The following LUZP2 variants were observed in gnomAD, a reference collection of about 807,000 sequenced individuals.
LUZP2 encodes leucine zipper protein 2.
A neutral mutation model predicts 51.6 loss-of-function variants in LUZP2; 52 were observed. The observed-to-expected ratio is 1.01, with a 90% CI of 0.81 to 1.27. The LOEUF (loss-of-function observed/expected upper bound fraction) is 1.27. Ranked by LOEUF, LUZP2 falls within the 50% of genes most tolerant of loss-of-function variation. LUZP2 has a pLI of 0.00. For synonymous variants in LUZP2, 154 were observed against 137.3 expected, an observed-to-expected ratio of 1.12 and a Z score of -0.85; for missense variants, 436 against 395.4, an observed-to-expected ratio of 1.10 and a Z score of -0.87.
intron 9 of LUZP2, among the ~76,000 whole-genome samples, chr11:25,024,234 C>T (rs1200146705): frequency 6.6e-6 from 1 of 152,068 alleles, no homozygotes; most frequent in African/African-American, 2.4e-5. Context: ...TGAAAACTGG[C>T]ACAAGACAGG....
chr11:24,500,121 G>A (rs1370226277), intron 1 of LUZP2, among the ~76,000 whole-genome samples: 4 of 151,458 alleles, frequency 2.6e-5, no homozygotes. Context: ...TAATCACAGT[G>A]AACATCAATG....
Position 24,774,381 on chromosome 11 carries a change from T to TATATATAC in LUZP2, c.396+11074_396+11075insTATATACA, listed in dbSNP as rs1184772523. On this transcript the variant is annotated intron_variant, in intron 5 of 11. Coordinates refer to ENST00000336930, the MANE Select transcript of LUZP2 (RefSeq NM_001009909.4). The stretch of plus-strand genomic sequence containing the variant: ...CTCTCTCTATATATATATATATATA[T>TATATATAC]ACATACACACACACATATTTATAAA... Among the ~76,000 whole-genome samples the TATATATAC allele has an allele frequency of 1.6e-3, 155 of 93,960 alleles. 4 individuals are homozygous for TATATATAC. Among genetic ancestry groups the TATATATAC allele is most frequent in the African/African-American group, 6.4e-3 (139 of 21,830 alleles). The allele number at this position is 93,960 out of a possible 152,430, so 61.6% of individuals were successfully genotyped here.
intron 1 of LUZP2, among the ~76,000 whole-genome samples, chr11:24,590,070 C>A (rs772691561): frequency 1.3e-5 from 2 of 152,092 alleles, no homozygotes; most frequent in Non-Finnish European, 2.9e-5. Context: ...ATAAAAACTT[C>A]ACACTTCTGG....
Position 25,060,726 on chromosome 11 carries a change from TG to T in LUZP2, c.858+10597del, listed in dbSNP as rs1858812827. Among the ~76,000 whole-genome samples, 3 of 152,276 alleles carry T rather than the reference TG, an allele frequency of 2.0e-5. No homozygotes were observed. In the East Asian group the frequency reaches 5.8e-4, roughly 29 times the overall value. On this transcript the variant is annotated intron_variant, in intron 10 of 11. Coordinates refer to ENST00000336930, the MANE Select transcript of LUZP2 (RefSeq NM_001009909.4). The stretch of plus-strand genomic sequence containing the variant: ...TCAACAGTATAAATAAAAAGAAAAG[TG>T]ATATAGAATAAAAAGCCATATAACA...
chr11:24,543,775 T>G (rs567358890), intron 1 of LUZP2, among the ~76,000 whole-genome samples: 29 of 129,292 alleles, frequency 2.2e-4, no homozygotes, highest in African/African-American at 8.2e-4. Context: ...TGAGCTGAGA[T>G]TGCACCATTG....
chr11:24,713,467 A>G, intron 1 of LUZP2, among the ~76,000 whole-genome samples: 1 of 152,042 alleles, frequency 6.6e-6, no homozygotes, highest in Non-Finnish European at 1.5e-5. Flanking sequence ...TTGGATTGAA[A>G]ATGTGCTTAT....
At chr11:24,556,863 T>C (rs1851883580) in intron 1 of LUZP2, among the ~76,000 whole-genome samples, 1 of 152,098 alleles carries the variant, frequency 6.6e-6, no homozygotes, top group Non-Finnish European at 1.5e-5. Context: ...GACACACACA[T>C]AGGCTCTTTG....
intron 1 of LUZP2, among the ~76,000 whole-genome samples, chr11:24,621,961 T>TA (rs137885610): frequency 0.19 from 27,327 of 147,396 alleles, 2,770 homozygotes; most frequent in African/African-American, 0.27. Context: ...CATACATCTT[T>TA]AAAAAAAAAA....
intron 9 of LUZP2, among the ~76,000 whole-genome samples, chr11:24,989,640 C>T (rs984302992): frequency 2.6e-5 from 4 of 152,022 alleles, no homozygotes; most frequent in Non-Finnish European, 5.9e-5. Context: ...TTTCCTATAT[C>T]TTTCAGTCAG....
chr11:25,020,141 T>G (rs4447132), intron 9 of LUZP2, among the ~76,000 whole-genome samples: 4 of 151,840 alleles, frequency 2.6e-5, no homozygotes, highest in African/African-American at 9.7e-5. Context: ...GAGAATAACT[T>G]CACAGTAACC....
chr11:24,964,408 G>A (rs80328330), intron 7 of LUZP2, among the ~76,000 whole-genome samples: 3,222 of 152,182 alleles, frequency 0.021, 101 homozygotes, highest in African/African-American at 0.066. Flanking sequence ...TATAGAAACA[G>A]CAAGTTTTTT....
intron 4 of LUZP2, among the ~76,000 whole-genome samples, chr11:24,753,114 C>T (rs943575390): frequency 1.3e-5 from 2 of 151,882 alleles, no homozygotes; most frequent in Non-Finnish European, 2.9e-5. Context: ...AAGTATATAC[C>T]TAACAATGTA....
chr11:25,043,293 C>G (rs1031557522), intron 9 of LUZP2, among the ~76,000 whole-genome samples: 1 of 152,076 alleles, frequency 6.6e-6, no homozygotes, highest in African/African-American at 2.4e-5. Flanking sequence ...ATTGACATAT[C>G]TTTTGGGGAC....
At chr11:24,645,886 T>C (rs997081377) in intron 1 of LUZP2, among the ~76,000 whole-genome samples, 3 of 151,674 alleles carry the variant, frequency 2.0e-5, no homozygotes, top group Non-Finnish European at 4.4e-5. Context: ...AAAATGTACA[T>C]AAAATCTCAT....
chr11:24,673,296 T>C (rs551354574), intron 1 of LUZP2, among the ~76,000 whole-genome samples: 9 of 152,176 alleles, frequency 5.9e-5, no homozygotes, highest in Admixed American at 1.3e-4. Context: ...TCTGGTCTCT[T>C]GTTGACAAAA....
At chr11:24,877,968 AT>A (rs1055135147) in intron 5 of LUZP2, among the ~76,000 whole-genome samples, 1 of 152,142 alleles carries the variant, frequency 6.6e-6, no homozygotes, top group African/African-American at 2.4e-5. Context: ...ACAGTACTCC[AT>A]TGTGTATATA....
At chr11:24,663,070 T>C (rs908685695) in intron 1 of LUZP2, among the ~76,000 whole-genome samples, 2 of 152,146 alleles carry the variant, frequency 1.3e-5, no homozygotes, top group African/African-American at 4.8e-5. Flanking sequence ...TTTAACATTT[T>C]GATGTATTTT....
At chr11:24,948,991 A>G (rs1854989885) in intron 7 of LUZP2, among the ~76,000 whole-genome samples, 1 of 151,588 alleles carries the variant, frequency 6.6e-6, no homozygotes, top group Non-Finnish European at 1.5e-5. Flanking sequence ...AAATATATAC[A>G]CCTACTATGT....
chr11:24,949,927 T>C (rs558191485), intron 7 of LUZP2, among the ~76,000 whole-genome samples: 1 of 151,250 alleles, frequency 6.6e-6, no homozygotes, highest in South Asian at 2.1e-4. Flanking sequence ...CTCTTCTTTG[T>C]AACTCAAATG....
Sources: allele counts gnomAD v4.1 joint callset (sites outside exome capture counted in the v4.1 genomes callset), GRCh38; gene constraint gnomAD v4.1.1; transcripts MANE v1.5; gene names NCBI Gene and HGNC (gene_info 2026-07-23, HGNC 2026-07-21).